The following PPP2R5A variants were observed in gnomAD, a reference collection of about 807,000 sequenced individuals.
PPP2R5A encodes serine/threonine-protein phosphatase 2A 56 kDa regulatory subunit alpha isoform.
In PPP2R5A, 25 loss-of-function variants were observed where a neutral mutation model predicts 64.2. That is an observed-to-expected ratio of 0.39 (90% CI 0.28 to 0.54). The LOEUF (loss-of-function observed/expected upper bound fraction) is 0.54, where lower values mean the gene tolerates loss of function less well. Ranked by LOEUF, PPP2R5A falls within the 20% of genes least tolerant of loss-of-function variation. The pLI is 0.67. For missense variants in PPP2R5A, 425 were observed against 576.3 expected (o/e 0.74, Z 2.69); for synonymous variants, 198 against 201.2 (o/e 0.98, Z 0.13).
At chr1:212,322,760 TTTA>T (rs1659332809) in intron 1 of PPP2R5A, among the ~76,000 whole-genome samples, 4 of 83,144 alleles carry the variant, frequency 4.8e-5, no homozygotes, top group Admixed American at 1.1e-4. Context: ...TCTCATTTTA[TTTA>T]TTTATTTATT....
chr1:212,316,019 A>G lies in PPP2R5A; in HGVS notation c.182-13116A>G, dbSNP rs141219211. Among the ~76,000 whole-genome samples, 343 of 152,254 alleles carry G rather than the reference A, an allele frequency of 2.3e-3. 1 individual carries two copies. Among genetic ancestry groups the G allele is most frequent in the African/African-American group, 7.1e-3 (295 of 41,550 alleles). On this transcript the variant is annotated intron_variant, in intron 1 of 12. Coordinates refer to ENST00000261461, the MANE Select transcript of PPP2R5A (RefSeq NM_006243.4). ...TGTTTGTGTTCTGATGGCTCCACCA[A>G]CTGGCCATTTCCTGGTCTTTCTTCC... is the stretch of plus-strand genomic sequence containing the variant.
intron 2 of PPP2R5A, among the ~76,000 whole-genome samples, chr1:212,332,344 A>G (rs1189554679): frequency 1.3e-5 from 2 of 152,196 alleles, no homozygotes; most frequent in South Asian, 2.1e-4. Flanking sequence ...TTGTCTCAAA[A>G]TGATCAACCC....
chr1:212,317,799 A>G (rs1358335187), intron 1 of PPP2R5A, among the ~76,000 whole-genome samples: 4 of 152,136 alleles, frequency 2.6e-5, no homozygotes, highest in African/African-American at 9.7e-5. Context: ...CAGTCTGGCC[A>G]AGATGGTGAA....
rs780265702 is a variant in PPP2R5A, at chr1:212,358,798, T to C, written c.1328+11T>C. On this transcript the variant is annotated intron_variant, in intron 12 of 12. Transcript: ENST00000261461. The stretch of plus-strand genomic sequence containing the variant: ...AGCTGAAAGACAGAGGTATTTGATA[T>C]TTTGAATTACAAAATTATCTATACA... The C allele has an allele frequency of 1.3e-6, 2 of 1,595,716 alleles. No individual in the cohort carries two copies. The highest frequency in any genetic ancestry group is 1.7e-6 in the Non-Finnish European group (2 of 1,164,620).
At chr1:212,301,264 G>GC (rs1350813671) in intron 1 of PPP2R5A, among the ~76,000 whole-genome samples, 2 of 151,978 alleles carry the variant, frequency 1.3e-5, no homozygotes, top group East Asian at 1.9e-4. Flanking sequence ...GCCCACCTTG[G>GC]CCCCCCCAAA....
intron 8 of PPP2R5A, 97 bp from the exon 9 acceptor site, chr1:212,356,529 T>C: frequency 8.8e-7 from 1 of 1,142,678 alleles, no homozygotes. Flanking sequence ...ATTGATTTAC[T>C]TCAGAATGAG....
intron 3 of PPP2R5A, among the ~76,000 whole-genome samples, chr1:212,340,461 A>G (rs936177677): frequency 1.5e-4 from 23 of 152,214 alleles, no homozygotes; most frequent in African/African-American, 5.3e-4. Context: ...GAATGAATTA[A>G]GTTGTGCCGT....
chr1:212,309,308 G>C, intron 1 of PPP2R5A: 2 of 1,531,338 alleles, frequency 1.3e-6, no homozygotes. Flanking sequence ...TAGTGGTCAA[G>C]TTTGTTTCTC....
At chr1:212,323,870 G>A (rs780105073) in intron 1 of PPP2R5A, among the ~76,000 whole-genome samples, 3 of 152,012 alleles carry the variant, frequency 2.0e-5, no homozygotes, top group African/African-American at 2.4e-5. Context: ...TCAGGAGATC[G>A]AGACCAGCCT....
chr1:212,303,507 C>G (rs1485067842), intron 1 of PPP2R5A, among the ~76,000 whole-genome samples: 4 of 151,730 alleles, frequency 2.6e-5, no homozygotes, highest in Non-Finnish European at 4.4e-5. Context: ...TTTTCACTTT[C>G]TTGGTGGTAT....
chr1:212,290,399 G>T (rs945780204), intron 1 of PPP2R5A, among the ~76,000 whole-genome samples: 1 of 152,286 alleles, frequency 6.6e-6, no homozygotes. Context: ...AGTTGGGATG[G>T]CACTAGAGGA....
At chr1:212,290,728 TA>T (rs1352662259) in intron 1 of PPP2R5A, among the ~76,000 whole-genome samples, 2 of 152,216 alleles carry the variant, frequency 1.3e-5, no homozygotes, top group Admixed American at 1.3e-4. Flanking sequence ...TCTAACTGAA[TA>T]AAGTGCTAAT....
Position 212,286,338 on chromosome 1 carries a change from A to G in PPP2R5A, c.181+47A>G, listed in dbSNP as rs1487323534. On this transcript the variant is annotated intron_variant, in intron 1 of 12. Transcript: ENST00000261461. ...CCAGCAGCGAGCGCAGGGGCTGGCA[A>G]CGCTTGCCTCTGCGCCAGCAGAGCC... 1.8e-5 allele frequency: 26 copies of G among 1,411,568 alleles called. No homozygotes were observed. In the East Asian group the frequency reaches 7.4e-4, roughly 40 times the overall value. 87.4% of individuals were successfully genotyped at this position (1,411,568 alleles called of 1,614,324 possible).
At chr1:212,321,865 G>A (rs1020634887) in intron 1 of PPP2R5A, among the ~76,000 whole-genome samples, 120 of 150,304 alleles carry the variant, frequency 8.0e-4, no homozygotes, top group African/African-American at 2.8e-3. Context: ...GTAGCGAGCC[G>A]AGATCATGCC....
intron 8 of PPP2R5A, among the ~76,000 whole-genome samples, chr1:212,351,999 T>C (rs1418669421): frequency 6.7e-6 from 1 of 149,616 alleles, no homozygotes; most frequent in Non-Finnish European, 1.5e-5. Flanking sequence ...TATTTTATTA[T>C]TTTATTTTTA....
intron 9 of PPP2R5A, 41 bp downstream of exon 9, chr1:212,356,717 T>G: frequency 6.3e-7 from 1 of 1,588,516 alleles, no homozygotes; most frequent in Non-Finnish European, 8.6e-7. Flanking sequence ...TTACTAGAAC[T>G]TGTCAATCCC....
chr1:212,350,393 A>G (rs1317400586), intron 8 of PPP2R5A, among the ~76,000 whole-genome samples: 3 of 152,158 alleles, frequency 2.0e-5, no homozygotes, highest in Non-Finnish European at 4.4e-5. Flanking sequence ...GTGGCTCACA[A>G]CTGTAATCCC....
chr1:212,337,332 CTTTCT>C (rs1180460295), intron 3 of PPP2R5A, among the ~76,000 whole-genome samples: 1 of 152,074 alleles, frequency 6.6e-6, no homozygotes, highest in Non-Finnish European at 1.5e-5. Context: ...TGTATTTTCA[CTTTCT>C]TTTATTAATT....
At chr1:212,302,335 G>C (rs766542378) in intron 1 of PPP2R5A, among the ~76,000 whole-genome samples, 1 of 151,834 alleles carries the variant, frequency 6.6e-6, no homozygotes, top group African/African-American at 2.4e-5. Context: ...TTTATGTGTT[G>C]GTTTTAGTAT....
Sources: allele counts gnomAD v4.1 joint callset (sites outside exome capture counted in the v4.1 genomes callset), GRCh38; gene constraint gnomAD v4.1.1; transcripts MANE v1.5; gene names NCBI Gene and HGNC (gene_info 2026-07-23, HGNC 2026-07-21).